NUBP1: variants seen among roughly 807,000 people sequenced by gnomAD.
NUBP1 encodes cytosolic Fe-S cluster assembly factor NUBP1.
In NUBP1, 46 loss-of-function variants were observed where a neutral mutation model predicts 41.8. The observed-to-expected ratio is 1.10, with a 90% confidence interval of 0.87 to 1.41. The LOEUF is 1.41. NUBP1 is among the 40% of genes most tolerant of loss of function. The pLI is 0.00. For synonymous variants in NUBP1, 189 were observed against 154.6 expected, an observed-to-expected ratio of 1.22 and a Z score of -1.65; for missense variants, 494 against 414.0, an observed-to-expected ratio of 1.19 and a Z score of -1.68.
chr16:10,762,874 G>A (rs918826840), intron 9 of NUBP1, among the ~76,000 whole-genome samples: 8 of 151,882 alleles, frequency 5.3e-5, no homozygotes, highest in African/African-American at 1.2e-4. Flanking sequence ...GGCCACGTGG[G>A]GAGCCTTGGG....
chr16:10,761,913 A>G lies in NUBP1; in HGVS notation c.820+54A>G. 1.4e-6 allele frequency: 2 copies of G among 1,418,490 alleles called. 1 individual carries two copies. Among genetic ancestry groups the G allele is most frequent in the Middle Eastern group, 3.6e-4 (2 of 5,622 alleles). 87.9% of individuals were successfully genotyped at this position (1,418,490 alleles called of 1,614,324 possible). On this transcript the variant is annotated intron_variant, in intron 9 of 10. Transcript: ENST00000283027. ...TCACTCCTCGGTCAGCCCCACAGGCACGGGTCGGGCACAACAGGGGGCGGC... is the reference window on the plus strand; with the variant it reads ...TCACTCCTCGGTCAGCCCCACAGGCGCGGGTCGGGCACAACAGGGGGCGGC...
At chr16:10,761,044 T>C (rs991700697) in intron 7 of NUBP1, 9 of 257,570 alleles carry the variant, frequency 3.5e-5, no homozygotes. Context: ...AGAGAGAGTG[T>C]GTAGGAGGAA....
At position 10,767,497 on chromosome 16, in the gene NUBP1, A is replaced by T. The variant is rs2031071389; in HGVS notation, c.821-452A>T. ...GTGTATGTGTGTGCGCACACATGCA[A>T]GTGTGCACATTTATATGCGCATAAT... On this transcript the variant is annotated intron_variant, in intron 9 of 10. Transcript: ENST00000283027. The surrounding 1 kb of genome is among the most constrained non-coding windows in gnomAD (Gnocchi z 4.6). 2.3e-6 allele frequency: 1 copy of T among 429,938 alleles called. No homozygotes were observed. The highest frequency in any genetic ancestry group is 4.1e-6 in the Non-Finnish European group (1 of 245,550). The allele number at this position is 429,938 out of a possible 1,614,324, so 26.6% of individuals were successfully genotyped here.
rs571673883 is a variant in NUBP1 at position 10,750,396 on chromosome 16, C to T, written c.259-2214C>T. 3.3e-5 allele frequency among the ~76,000 whole-genome samples: 5 copies of T among 152,296 alleles called. No individual in the cohort carries two copies. In the East Asian group the frequency reaches 9.7e-4, roughly 29 times the overall value. ...ACCTGGGATTACAGGCGTGTGCCAC[C>T]ACACCCAGCTAATTTTTGTATTTTT... On this transcript the variant is annotated intron_variant, in intron 3 of 10. Transcript: ENST00000283027.
At chr16:10,752,810 T>G in intron 4 of NUBP1, 132 bp downstream of exon 4, 1 of 789,010 alleles carries the variant, frequency 1.3e-6, no homozygotes. Context: ...TTTTGTTGTT[T>G]TTGAGACAAG....
At position 10,757,839 on chromosome 16, in the gene NUBP1, A is replaced by G; in HGVS notation, c.452-34A>G. The G allele has an allele frequency of 6.3e-7, 1 of 1,597,964 alleles. No homozygotes were observed. Among genetic ancestry groups the G allele is most frequent in the Non-Finnish European group, 8.6e-7 (1 of 1,167,652 alleles). On this transcript the variant is annotated intron_variant, in intron 6 of 10. Coordinates refer to ENST00000283027, the MANE Select transcript of NUBP1 (RefSeq NM_002484.4). The surrounding 1 kb of genome is among the most constrained non-coding windows in gnomAD (Gnocchi z 4.1). ...AGTTGAAAGTACAGAAAAGAAAGGA[A>G]AAGTAAGCATCCCCTGTGGATTCCT...
intron 7 of NUBP1, among the ~76,000 whole-genome samples, chr16:10,758,570 A>G (rs1052859789): frequency 6.6e-6 from 1 of 152,198 alleles, no homozygotes; most frequent in Admixed American, 6.5e-5. Flanking sequence ...GGATTAAACA[A>G]TAGTGGGTCA....
chr16:10,764,541 G>C (rs978080719), intron 9 of NUBP1, among the ~76,000 whole-genome samples: 2 of 151,072 alleles, frequency 1.3e-5, no homozygotes, highest in African/African-American at 4.9e-5. Flanking sequence ...CATTCTGCTG[G>C]AGTATTTGTC....
At chr16:10,755,618 T>C in intron 4 of NUBP1, 103 bp from the exon 5 acceptor site, 1 of 1,234,906 alleles carries the variant, frequency 8.1e-7, no homozygotes, top group African/African-American at 1.5e-5. Context: ...ATGAATTATA[T>C]TTTAAAAAAC....
chr16:10,749,120 G>GACACACACACACAC lies in NUBP1; in HGVS notation c.258+1849_258+1850insCACACACACACACA, dbSNP rs777149995. 2.5e-3 allele frequency among the ~76,000 whole-genome samples: 232 copies of GACACACACACACAC among 92,370 alleles called. 8 individuals carry two copies. The highest frequency in any genetic ancestry group is 8.4e-3 in the African/African-American group (218 of 25,802). The allele number at this position is 92,370 out of a possible 152,430, so 60.6% of individuals were successfully genotyped here. ...AAAAAAGGATATAGATAGATACACAGACACATACACACACACACACACACA... is the reference window on the plus strand; with the variant it reads ...AAAAAAGGATATAGATAGATACACAGACACACACACACACACACATACACACACACACACACACA... On this transcript the variant is annotated intron_variant, in intron 3 of 10. Coordinates refer to ENST00000283027, the MANE Select transcript of NUBP1 (RefSeq NM_002484.4). This position sits in a 1 kb window ranked among gnomAD's most constrained non-coding sequence, Gnocchi z 4.1.
rs1175216336 is a variant in NUBP1 at position 10,759,508 on chromosome 16, T to A, written c.606+1481T>A. Among the ~76,000 whole-genome samples, 1 of 152,198 alleles carries A rather than the reference T, an allele frequency of 6.6e-6. No individual in the cohort carries two copies. The highest frequency in any genetic ancestry group is 1.5e-5 in the Non-Finnish European group (1 of 68,030). On this transcript the variant is annotated intron_variant, in intron 7 of 10. Coordinates refer to ENST00000283027, the MANE Select transcript of NUBP1 (RefSeq NM_002484.4). The surrounding 1 kb of genome is among the most constrained non-coding windows in gnomAD (Gnocchi z 4.7). ...AGTGGTTGGTGCTGGGCACACTGGC[T>A]CATGTCTGTAATCCCAGCACTTTGG...
intron 2 of NUBP1, 41 bp downstream of exon 2, chr16:10,744,106 A>C (rs1899945724): frequency 9.7e-7 from 1 of 1,033,358 alleles, no homozygotes; most frequent in Non-Finnish European, 1.3e-6. Flanking sequence ...TTAGAGGCGC[A>C]GGCCCGGAAA....
At position 10,748,428 on chromosome 16, in the gene NUBP1, T is replaced by A. The variant is rs74984317; in HGVS notation, c.258+1152T>A. ...GAGCATGAAAACTCAGATTACCCACTGCTGCCCTCTGGATCTCAACTTTAA... is the reference window on the plus strand; with the variant it reads ...GAGCATGAAAACTCAGATTACCCACAGCTGCCCTCTGGATCTCAACTTTAA... On this transcript the variant is annotated intron_variant, in intron 3 of 10. Coordinates refer to ENST00000283027, the MANE Select transcript of NUBP1 (RefSeq NM_002484.4). Among the ~76,000 whole-genome samples, 1,080 of 152,244 alleles carry A rather than the reference T, an allele frequency of 7.1e-3. 13 individuals carry two copies. Among genetic ancestry groups the A allele is most frequent in the African/African-American group, 0.025 (1,025 of 41,544 alleles).
chr16:10,765,152 C>CT lies in NUBP1; in HGVS notation c.821-2795dup, dbSNP rs1433058785. On this transcript the variant is annotated intron_variant, in intron 9 of 10. Transcript: ENST00000283027. This position sits in a 1 kb window ranked among gnomAD's most constrained non-coding sequence, Gnocchi z 4.0. ...CTGCCAGAGATCCAAGAGGTGTGTC[C>CT]TTATGGCCATCACAATTGCCACATT... is the stretch of plus-strand genomic sequence containing the variant. 5.9e-5 allele frequency: 9 copies of CT among 153,040 alleles called. No individual in the cohort carries two copies. The highest frequency in any genetic ancestry group is 1.7e-4 in the African/African-American group (7 of 41,506). 9.5% of individuals were successfully genotyped at this position (153,040 alleles called of 1,614,324 possible). A position where few individuals can be genotyped will look rare whatever the true frequency, so the allele number is the denominator to read the frequency against.
intron 3 of NUBP1, among the ~76,000 whole-genome samples, chr16:10,750,499 C>T (rs535284911): frequency 7.0e-4 from 106 of 152,338 alleles, no homozygotes; most frequent in African/African-American, 2.4e-3. Flanking sequence ...GCCTCAACCT[C>T]CCAAAGTTCT....
At chr16:10,746,320 C>T (rs977250422) in intron 2 of NUBP1, among the ~76,000 whole-genome samples, 1 of 152,222 alleles carries the variant, frequency 6.6e-6, no homozygotes, top group South Asian at 2.1e-4. Context: ...TTCTCAACCT[C>T]AGCACTGCTG....
At position 10,757,030 on chromosome 16, in the gene NUBP1, T is replaced by G. The variant is rs969743732; in HGVS notation, c.451+250T>G. On this transcript the variant is annotated intron_variant, in intron 6 of 10. Transcript: ENST00000283027. This position sits in a 1 kb window ranked among gnomAD's most constrained non-coding sequence, Gnocchi z 4.1. ...GCTGTAGAACCCTGGTCGGGTGTGG[T>G]AGCTCACGCCTGTAATCCCAGCACT... Among the ~76,000 whole-genome samples, 14 of 152,216 alleles carry G rather than the reference T, an allele frequency of 9.2e-5. No individual in the cohort carries two copies. The highest frequency in any genetic ancestry group is 6.5e-4 in the Admixed American group (10 of 15,284).
chr16:10,755,783 A>T, intron 5 of NUBP1, 30 bp downstream of exon 5: 1 of 1,610,234 alleles, frequency 6.2e-7, no homozygotes, highest in East Asian at 2.2e-5. Context: ...CCCTATTTTC[A>T]CAGTAGTGTG....
chr16:10,744,926 T>A (rs1899994689), intron 2 of NUBP1, among the ~76,000 whole-genome samples: 1 of 151,708 alleles, frequency 6.6e-6, no homozygotes, highest in Non-Finnish European at 1.5e-5. Context: ...GCTGGCTAAT[T>A]TTTATATTTT....
Sources: gnomAD v4.1 joint callset for allele counts (sites outside exome capture counted in the v4.1 genomes callset) on GRCh38, gnomAD v4.1.1 for gene constraint, Gnocchi (gnomAD v3.1) non-coding constraint, MANE v1.5 for transcripts, NCBI Gene and HGNC (gene_info 2026-07-23, HGNC 2026-07-21) for gene names.